The following CUL2 variants were observed in gnomAD, a reference collection of about 807,000 sequenced individuals.
CUL2 encodes the protein cullin 2.
In CUL2, 22 loss-of-function variants were observed where a neutral mutation model predicts 110.2. The observed-to-expected ratio is 0.20, with a 90% CI of 0.14 to 0.28. The LOEUF (loss-of-function observed/expected upper bound fraction) is 0.28, where lower values mean the gene tolerates loss of function less well. Ranked by LOEUF, CUL2 falls within the 10% of genes least tolerant of loss-of-function variation. The pLI is 1.00. For synonymous variants in CUL2, 279 were observed against 293.2 expected (o/e 0.95, Z 0.49); for missense variants, 631 against 905.5 (o/e 0.70, Z 3.89).
chr10:35,030,950 A>G (rs2085466936), intron 14 of CUL2, among the ~76,000 whole-genome samples: 1 of 152,252 alleles, frequency 6.6e-6, no homozygotes, highest in Non-Finnish European at 1.5e-5. Flanking sequence ...CAGGATAAAT[A>G]TGAACCTGCT....
intron 1 of CUL2, among the ~76,000 whole-genome samples, chr10:35,105,278 T>C (rs1471944745): frequency 6.6e-6 from 1 of 151,182 alleles, no homozygotes; most frequent in Non-Finnish European, 1.5e-5. Context: ...AGAAAAAAAT[T>C]AGCCGGGCGT....
intron 1 of CUL2, among the ~76,000 whole-genome samples, chr10:35,073,052 C>T (rs1167394920): frequency 6.6e-6 from 1 of 152,070 alleles, no homozygotes. Flanking sequence ...TTCTGTGTTT[C>T]CAGATGAGAA....
chr10:35,045,019 AT>A (rs536235231), intron 6 of CUL2, 151 bp from the exon 7 acceptor site: 215 of 554,950 alleles, frequency 3.9e-4, no homozygotes, highest in Middle Eastern at 9.7e-4. Context: ...CTTAACAATG[AT>A]TTTTTTTATA....
intron 1 of CUL2, among the ~76,000 whole-genome samples, chr10:35,087,576 C>T (rs1380782839): frequency 6.6e-6 from 1 of 152,118 alleles, no homozygotes; most frequent in African/African-American, 2.4e-5. Context: ...CAACCCCATC[C>T]CATACAACAG....
chr10:35,067,672 AG>A (rs1375538774), intron 2 of CUL2, among the ~76,000 whole-genome samples: 1 of 151,076 alleles, frequency 6.6e-6, no homozygotes, highest in Non-Finnish European at 1.5e-5. Context: ...TAAACCCAGG[AG>A]GGGGAGGCTG....
intron 17 of CUL2, among the ~76,000 whole-genome samples, chr10:35,022,099 C>A (rs2085217412): frequency 6.6e-6 from 1 of 152,080 alleles, no homozygotes; most frequent in African/African-American, 2.4e-5. Flanking sequence ...TCCTACTAGA[C>A]ATGAGTTTTT....
intron 8 of CUL2, among the ~76,000 whole-genome samples, chr10:35,044,114 T>G (rs1291246397): frequency 1.3e-5 from 2 of 149,424 alleles, no homozygotes; most frequent in African/African-American, 2.5e-5. Flanking sequence ...TTCAAGAACT[T>G]AACAGACCAA....
At chr10:35,043,228 C>T (rs1446375221) in intron 8 of CUL2, among the ~76,000 whole-genome samples, 2 of 152,126 alleles carry the variant, frequency 1.3e-5, no homozygotes, top group East Asian at 3.8e-4. Flanking sequence ...ATATTTTTGA[C>T]AGCCAGACAG....
intron 3 of CUL2, among the ~76,000 whole-genome samples, chr10:35,061,200 G>A (rs556329855): frequency 3.2e-4 from 49 of 152,162 alleles, no homozygotes; most frequent in African/African-American, 9.6e-4. Flanking sequence ...TGAGCCGAGC[G>A]CAGTGGCTCA....
At chr10:35,087,307 T>G (rs2087088394) in intron 1 of CUL2, among the ~76,000 whole-genome samples, 1 of 152,230 alleles carries the variant, frequency 6.6e-6, no homozygotes, top group South Asian at 2.1e-4. Context: ...AATACAGTTT[T>G]TGTTCAAAAC....
rs777644459 is a variant in CUL2, at chr10:35,031,437, T to C, written c.1300-51A>G. 8.1e-6 allele frequency: 13 copies of C among 1,599,388 alleles called. No homozygotes were observed. The highest frequency in any genetic ancestry group is 4.0e-5 in the African/African-American group (3 of 74,290). On this transcript the variant is annotated intron_variant, in intron 13 of 20. Coordinates refer to ENST00000374749, the MANE Select transcript of CUL2 (RefSeq NM_003591.4). The surrounding 1 kb of genome is among the most constrained non-coding windows in gnomAD (Gnocchi z 4.4). ...TTACTTCCTTTCTAATGATTTAGCA[T>C]TCAGAAATAAAGTTGACCAAAATAC...
At position 35,031,353 on chromosome 10, in the gene CUL2, G is replaced by T; in HGVS notation, c.1333C>A (p.His445Asn). 1.2e-6 allele frequency: 2 copies of T among 1,609,572 alleles called. No homozygotes were observed. Among genetic ancestry groups the T allele is most frequent in the Admixed American group, 1.7e-5 (1 of 59,294 alleles). ...YARMLAKRLI[H>N]GLSMSMDSEE... is the part of the protein sequence containing the mutation. ...GAGTCCATAGACATGGATAACCCAT[G>T]AATTAAACGTTTTGCCAGCATTCTT... Residue 445 changes from histidine (H) to asparagine (N), a missense_variant, in exon 14 of 21, where the codon CAT becomes AAT. His to Asn is a moderately conservative substitution (Grantham distance 68, BLOSUM62 1). Transcript: ENST00000374749. This position sits in a 1 kb window ranked among gnomAD's most constrained non-coding sequence, Gnocchi z 4.4.
In CUL2 at chr10:35,115,516, C is replaced by T. The variant is rs144630025; in HGVS notation, c.-51+11089G>A. On this transcript the variant is annotated intron_variant, in intron 1 of 5. Coordinates refer to the CUL2 transcript ENST00000685421. ...CAGAGGTTGCAGTGAGCTGAGATCG[C>T]GCCACTACACTCTAGCCTGGGTGAC... is the stretch of plus-strand genomic sequence containing the variant. 2.7e-3 allele frequency among the ~76,000 whole-genome samples: 418 copies of T among 152,192 alleles called. 1 individual carries two copies. Among genetic ancestry groups the T allele is most frequent in the Middle Eastern group, 6.8e-3 (2 of 294 alleles).
Position 35,048,616 on chromosome 10 carries a change from TCA to T in CUL2, c.506+1065_506+1066del, listed in dbSNP as rs555238526. 2.0e-4 allele frequency among the ~76,000 whole-genome samples: 31 copies of T among 152,330 alleles called. No individual in the cohort carries two copies. In the South Asian group the frequency reaches 4.8e-3, roughly 23 times the overall value. On this transcript the variant is annotated intron_variant, in intron 6 of 20. Transcript: ENST00000374749. ...GTTTTGTTGGGAGTGTTCTTTTAGT[TCA>T]CAGTTTTGTAAAGAAAAGAGGAAGA...
At chr10:35,061,692 A>G (rs1481891341) in intron 3 of CUL2, among the ~76,000 whole-genome samples, 6 of 152,050 alleles carry the variant, frequency 3.9e-5, no homozygotes, top group Non-Finnish European at 8.8e-5. Context: ...TGCACATGCC[A>G]TATACTATCA....
chr10:35,050,291 A>G (rs2086068638), intron 5 of CUL2, among the ~76,000 whole-genome samples: 1 of 151,592 alleles, frequency 6.6e-6, no homozygotes, highest in African/African-American at 2.4e-5. Context: ...ACTGCACTCC[A>G]GCCTGGTGAC....
At chr10:35,104,702 A>G (rs959117731) in intron 1 of CUL2, among the ~76,000 whole-genome samples, 1 of 152,048 alleles carries the variant, frequency 6.6e-6, no homozygotes, top group East Asian at 1.9e-4. Flanking sequence ...TATTTTTTTA[A>G]CATGAACAGT....
In CUL2 at chr10:35,102,914, C is replaced by A. The variant is rs866300041; in HGVS notation, c.-50-1854G>T. 7.3e-5 allele frequency among the ~76,000 whole-genome samples: 11 copies of A among 151,302 alleles called. No individual in the cohort carries two copies. The South Asian group carries it at 2.3e-3, about 32-fold the overall frequency. On this transcript the variant is annotated intron_variant, in intron 1 of 5. Coordinates refer to the CUL2 transcript ENST00000685421. The stretch of plus-strand genomic sequence containing the variant: ...AAAAAAAAAAAATTTTAAGAAGAAA[C>A]AACCTAGGTGACAATGTTAGTTCCA...
chr10:35,126,685 C>G (rs1436582158), upstream of CUL2: 1 of 152,820 alleles, frequency 6.5e-6, no homozygotes, highest in Non-Finnish European at 1.5e-5. Context: ...CGGCGCGGCA[C>G]GGGCAGCTTC....
Sources: allele counts gnomAD v4.1 joint callset (sites outside exome capture counted in the v4.1 genomes callset), GRCh38; gene constraint gnomAD v4.1.1; non-coding constraint Gnocchi (gnomAD v3.1); transcripts MANE v1.5; gene names NCBI Gene and HGNC (gene_info 2026-07-23, HGNC 2026-07-21).